Variants in FHIT observed in about 807,000 individuals in gnomAD.
FHIT encodes the protein fragile histidine triad diadenosine triphosphatase, also known as bis(5'-adenosyl)-triphosphatase.
A neutral mutation model predicts 17.9 loss-of-function variants in FHIT; 19 were observed. That is an observed-to-expected ratio of 1.06 (90% CI 0.74 to 1.56). The LOEUF is 1.56. Ranked by LOEUF, FHIT falls within the 40% of genes most tolerant of loss-of-function variation. FHIT has a pLI of 0.00. For synonymous variants in FHIT, 81 were observed against 69.7 expected, an observed-to-expected ratio of 1.16 and a Z score of -0.81; for missense variants, 248 against 189.2, an observed-to-expected ratio of 1.31 and a Z score of -1.82.
chr3:61,196,247 T>C (rs1471150658), intron 2 of FHIT, among the ~76,000 whole-genome samples: 1 of 152,180 alleles, frequency 6.6e-6, no homozygotes, highest in Admixed American at 6.5e-5. Context: ...AAGGCATAGA[T>C]GTTGCAGTTT....
intron 5 of FHIT, among the ~76,000 whole-genome samples, chr3:60,302,560 C>T (rs1219888273): frequency 6.6e-6 from 1 of 152,124 alleles, no homozygotes; most frequent in African/African-American, 2.4e-5. Context: ...TTGCTTGGAA[C>T]TAAATAACTA....
intron 3 of FHIT, among the ~76,000 whole-genome samples, chr3:60,955,615 T>TACATATATATATATATAC (rs1559862343): frequency 4.0e-4 from 5 of 12,398 alleles, no homozygotes; most frequent in Admixed American, 3.9e-3. Context: ...TATATATATA[T>TACATATATATATATATAC]ATATATATAT....
rs568256705 is a variant in FHIT, at chr3:60,027,080, C to T, written c.104-12928G>A. ...CGCCACTGCACTCTAGCCTGGGTGA[C>T]AGAGTGAGTAAGACTGTTTCACACA... On this transcript the variant is annotated intron_variant, in intron 5 of 9. Transcript: ENST00000492590. Among the ~76,000 whole-genome samples, 12 of 146,456 alleles carry T rather than the reference C, an allele frequency of 8.2e-5. No homozygotes were observed. The East Asian group carries it at 2.3e-3, about 28-fold the overall frequency.
intron 4 of FHIT, among the ~76,000 whole-genome samples, chr3:60,757,565 T>C (rs1699481469): frequency 6.6e-6 from 1 of 152,268 alleles, no homozygotes; most frequent in South Asian, 2.1e-4. Flanking sequence ...GATAAGAGTA[T>C]GCTAAGAGCC....
At chr3:60,240,498 G>A (rs1400341647) in intron 5 of FHIT, among the ~76,000 whole-genome samples, 1 of 152,168 alleles carries the variant, frequency 6.6e-6, no homozygotes, top group Non-Finnish European at 1.5e-5. Flanking sequence ...CAATAGGAAT[G>A]TGTTCTGTTG....
At chr3:60,453,869 A>G (rs1421307254) in intron 5 of FHIT, among the ~76,000 whole-genome samples, 12 of 152,206 alleles carry the variant, frequency 7.9e-5, no homozygotes, top group Admixed American at 7.9e-4. Context: ...ACTGAGGAAA[A>G]GCAATAAATC....
At chr3:60,755,028 GA>G (rs2042545121) in intron 4 of FHIT, among the ~76,000 whole-genome samples, 1 of 152,130 alleles carries the variant, frequency 6.6e-6, no homozygotes, top group South Asian at 2.1e-4. Flanking sequence ...TATTATTAGA[GA>G]AAAACCTGGT....
intron 1 of FHIT, among the ~76,000 whole-genome samples, chr3:61,206,525 G>A (rs1200488671): frequency 2.6e-5 from 4 of 152,114 alleles, no homozygotes; most frequent in Non-Finnish European, 4.4e-5. Flanking sequence ...CCTTGAAGAG[G>A]TCCTTCCCCT....
At chr3:60,149,020 G>A (rs1700352902) in intron 5 of FHIT, among the ~76,000 whole-genome samples, 1 of 152,166 alleles carries the variant, frequency 6.6e-6, no homozygotes, top group South Asian at 2.1e-4. Context: ...CGGTCTGGTA[G>A]TATTTCTATC....
intron 3 of FHIT, among the ~76,000 whole-genome samples, chr3:60,926,691 C>A (rs1331621728): frequency 3.9e-5 from 6 of 152,052 alleles, no homozygotes; most frequent in African/African-American, 9.7e-5. Flanking sequence ...AGAAGGCAAG[C>A]AATAACTAAC....
At chr3:60,367,465 G>T (rs946349402) in intron 5 of FHIT, among the ~76,000 whole-genome samples, 9 of 152,148 alleles carry the variant, frequency 5.9e-5, no homozygotes, top group African/African-American at 2.2e-4. Flanking sequence ...ATGTTGGAAA[G>T]TCTAAGAAAA....
chr3:60,263,965 C>T (rs1176926000), intron 5 of FHIT, among the ~76,000 whole-genome samples: 6 of 151,456 alleles, frequency 4.0e-5, no homozygotes, highest in African/African-American at 1.2e-4. Flanking sequence ...GAGAATTTTA[C>T]CAATCATCTT....
At chr3:59,871,466 A>T (rs1429382700) in intron 8 of FHIT, among the ~76,000 whole-genome samples, 1 of 152,120 alleles carries the variant, frequency 6.6e-6, no homozygotes, top group East Asian at 1.9e-4. Context: ...ACACACGCAC[A>T]CATACAAAGA....
In FHIT at chr3:60,124,922, G is replaced by T. The variant is rs115068626; in HGVS notation, c.104-110770C>A. Among the ~76,000 whole-genome samples the T allele has an allele frequency of 3.9e-5, 6 of 152,120 alleles. No individual in the cohort carries two copies. The East Asian group carries it at 1.2e-3, about 29-fold the overall frequency. On this transcript the variant is annotated intron_variant, in intron 5 of 9. Coordinates refer to ENST00000492590, the MANE Select transcript of FHIT (RefSeq NM_002012.4). ...CACACAACTAGCCCCTGAGGATCTT[G>T]CTAGGGGTCAAAACCCACATATTAG...
intron 5 of FHIT, among the ~76,000 whole-genome samples, chr3:60,156,527 T>C (rs1298100599): frequency 2.0e-5 from 3 of 152,042 alleles, no homozygotes; most frequent in Non-Finnish European, 4.4e-5. Flanking sequence ...GGCGGAAGAA[T>C]CACTAGAGCC....
intron 5 of FHIT, among the ~76,000 whole-genome samples, chr3:60,043,229 G>A (rs542278301): frequency 6.6e-6 from 1 of 152,340 alleles, no homozygotes; most frequent in South Asian, 2.1e-4. Flanking sequence ...AGTTAGCATG[G>A]AAGTGGCCAG....
In FHIT at chr3:60,586,285, C is replaced by T. The variant is rs370915857; in HGVS notation, c.-17-49306G>A. On this transcript the variant is annotated intron_variant, in intron 4 of 9. Transcript: ENST00000492590. Reference sequence around the variant, plus strand: ...GCAATCCTGTGAAATAACCTCCCCCCAGTCTATTTGATAGTTTCCATGACT... The same window carrying T: ...GCAATCCTGTGAAATAACCTCCCCCTAGTCTATTTGATAGTTTCCATGACT... Among the ~76,000 whole-genome samples the T allele has an allele frequency of 3.9e-5, 6 of 152,112 alleles. No individual in the cohort carries two copies. The East Asian group carries it at 7.8e-4, about 20-fold the overall frequency.
At chr3:60,455,537 T>C (rs951206594) in intron 5 of FHIT, among the ~76,000 whole-genome samples, 2 of 152,168 alleles carry the variant, frequency 1.3e-5, no homozygotes, top group Admixed American at 6.6e-5. Flanking sequence ...AGCACAGAGA[T>C]AGGCACATAG....
At chr3:59,833,742 C>T (rs896461895) in intron 8 of FHIT, among the ~76,000 whole-genome samples, 1 of 152,166 alleles carries the variant, frequency 6.6e-6, no homozygotes, top group Non-Finnish European at 1.5e-5. Flanking sequence ...CCCACCCAAT[C>T]TCATCTCGAA....
Sources: allele counts gnomAD v4.1 joint callset (sites outside exome capture counted in the v4.1 genomes callset), GRCh38; gene constraint gnomAD v4.1.1; transcripts MANE v1.5; gene names NCBI Gene and HGNC (gene_info 2026-07-23, HGNC 2026-07-21).